FRMD4B: variants seen among roughly 807,000 people sequenced by gnomAD.
FRMD4B encodes FERM domain-containing protein 4B.
A neutral mutation model predicts 141.5 loss-of-function variants in FRMD4B; 74 were observed. The ratio of observed to expected loss-of-function variants is 0.52; its 90% CI spans 0.43 to 0.63. The LOEUF is 0.63. Ranked by LOEUF, FRMD4B falls within the 30% of genes least tolerant of loss-of-function variation. FRMD4B has a pLI of 0.00. For missense variants in FRMD4B, 1,366 were observed against 1,253.4 expected (o/e 1.09, Z -1.36); for synonymous variants, 506 against 467.9 (o/e 1.08, Z -1.05).
At chr3:69,445,621 T>C (rs1193662811) in intron 1 of FRMD4B, among the ~76,000 whole-genome samples, 1 of 152,186 alleles carries the variant, frequency 6.6e-6, no homozygotes, top group African/African-American at 2.4e-5. Flanking sequence ...TCACTCTCAA[T>C]ACACCCCACA....
chr3:69,332,587 T>C (rs1300774510), intron 1 of FRMD4B, among the ~76,000 whole-genome samples: 1 of 152,020 alleles, frequency 6.6e-6, no homozygotes, highest in Non-Finnish European at 1.5e-5. Context: ...TTTTTCTTTA[T>C]TTATTTTGAG....
At chr3:69,363,143 G>A (rs571228541) in intron 1 of FRMD4B, among the ~76,000 whole-genome samples, 8 of 151,526 alleles carry the variant, frequency 5.3e-5, no homozygotes, top group East Asian at 1.9e-4. Flanking sequence ...TTTTCCACCC[G>A]GCCCATTCTT....
At chr3:69,325,061 A>G (rs1300034638) in intron 1 of FRMD4B, among the ~76,000 whole-genome samples, 1 of 129,904 alleles carries the variant, frequency 7.7e-6, no homozygotes, top group African/African-American at 3.2e-5. Context: ...CCTGGGCAAC[A>G]GTGAGATACT....
At chr3:69,205,245 C>T in intron 11 of FRMD4B, among the ~76,000 whole-genome samples, 1 of 151,604 alleles carries the variant, frequency 6.6e-6, no homozygotes, top group Non-Finnish European at 1.5e-5. Context: ...CGGCTCACTG[C>T]AGCAGCCTCG....
intron 1 of FRMD4B, among the ~76,000 whole-genome samples, chr3:69,454,822 T>C (rs913505035): frequency 2.0e-5 from 3 of 152,226 alleles, no homozygotes; most frequent in African/African-American, 7.2e-5. Flanking sequence ...AGGCGCACCA[T>C]GCAGGACTGG....
In FRMD4B at chr3:69,528,298, C is replaced by T. The variant is rs1214087070; in HGVS notation, c.-129+13908G>A. 2.1e-5 allele frequency among the ~76,000 whole-genome samples: 3 copies of T among 146,070 alleles called. No homozygotes were observed. The East Asian group carries it at 6.7e-4, about 33-fold the overall frequency. ...CCTTCCTTCCTTCCTTTTCTTCCTT[C>T]CTTCCTTCCTTTCTCTCTCTTTCTT... On this transcript the variant is annotated intron_variant, in intron 1 of 5. Transcript: ENST00000459638.
At chr3:69,366,803 T>C (rs540772653) in intron 1 of FRMD4B, among the ~76,000 whole-genome samples, 45 of 152,306 alleles carry the variant, frequency 3.0e-4, no homozygotes, top group African/African-American at 1.1e-3. Context: ...AGGGTCTCAC[T>C]CTGTTGCCCA....
chr3:69,489,695 A>G (rs1182098431), intron 1 of FRMD4B, among the ~76,000 whole-genome samples: 1 of 152,216 alleles, frequency 6.6e-6, no homozygotes, highest in African/African-American at 2.4e-5. Context: ...AAAAATAAAC[A>G]TAGTGTTGCC....
Position 69,415,270 on chromosome 3 carries a change from G to C in FRMD4B, c.-1+17364C>G, listed in dbSNP as rs1704838189. On this transcript the variant is annotated intron_variant, in intron 2 of 5. Transcript: ENST00000459638. ...ACAATATGAGTGAATCCATCAAATG[G>C]AGATAAAGCCCCATACTGACTTCTC... Among the ~76,000 whole-genome samples, 5 of 152,114 alleles carry C rather than the reference G, an allele frequency of 3.3e-5. No homozygotes were observed. In the South Asian group the frequency reaches 1.0e-3, roughly 32 times the overall value.
At chr3:69,258,348 A>C (rs942470021) in intron 5 of FRMD4B, among the ~76,000 whole-genome samples, 5 of 152,196 alleles carry the variant, frequency 3.3e-5, no homozygotes, top group African/African-American at 9.7e-5. Flanking sequence ...ATACATTTTG[A>C]CATGTGTTTG....
At chr3:69,538,180 A>G (rs1289478671) in intron 1 of FRMD4B, among the ~76,000 whole-genome samples, 1 of 152,222 alleles carries the variant, frequency 6.6e-6, no homozygotes, top group Non-Finnish European at 1.5e-5. Flanking sequence ...AGGAAAGAAG[A>G]AAAAGGCAGA....
intron 1 of FRMD4B, among the ~76,000 whole-genome samples, chr3:69,469,087 T>C (rs1705842957): frequency 6.6e-6 from 1 of 152,176 alleles, no homozygotes; most frequent in Non-Finnish European, 1.5e-5. Context: ...CCTTTAAAAA[T>C]AAAACCCATA....
At chr3:69,288,593 T>C (rs1485828163) in intron 4 of FRMD4B, among the ~76,000 whole-genome samples, 1 of 152,234 alleles carries the variant, frequency 6.6e-6, no homozygotes, top group East Asian at 1.9e-4. Context: ...TTAACAACTC[T>C]GTTTTCATAA....
chr3:69,466,630 T>A (rs1202594365), intron 1 of FRMD4B, among the ~76,000 whole-genome samples: 1 of 152,228 alleles, frequency 6.6e-6, no homozygotes, highest in Non-Finnish European at 1.5e-5. Context: ...TCATACATTT[T>A]GCCTTTGTTT....
chr3:69,321,340 G>A (rs1701988365), intron 1 of FRMD4B, among the ~76,000 whole-genome samples: 1 of 152,148 alleles, frequency 6.6e-6, no homozygotes, highest in Non-Finnish European at 1.5e-5. Flanking sequence ...TGGTAAGGAA[G>A]CAGCAAGCCT....
At position 69,251,908 on chromosome 3, in the gene FRMD4B, G is replaced by A. The variant is rs2093465664; in HGVS notation, c.502-1809C>T. Among the ~76,000 whole-genome samples, 3 of 152,186 alleles carry A rather than the reference G, an allele frequency of 2.0e-5. No homozygotes were observed. In the South Asian group the frequency reaches 6.2e-4, roughly 31 times the overall value. ...AGAAAAAGAAACTCACGGCAAGGGAGGAGGGCTAACAGGAGAACTCAAAAA... is the reference window on the plus strand; with the variant it reads ...AGAAAAAGAAACTCACGGCAAGGGAAGAGGGCTAACAGGAGAACTCAAAAA... On this transcript the variant is annotated intron_variant, in intron 5 of 22. Coordinates refer to ENST00000398540, the MANE Select transcript of FRMD4B (RefSeq NM_015123.3).
intron 1 of FRMD4B, among the ~76,000 whole-genome samples, chr3:69,437,785 ATATT>A (rs1705283237): frequency 1.6e-5 from 2 of 122,786 alleles, no homozygotes; most frequent in South Asian, 4.8e-4. Flanking sequence ...TATATATACT[ATATT>A]TATATATATT....
At chr3:69,358,646 G>C (rs1703390600) in intron 1 of FRMD4B, among the ~76,000 whole-genome samples, 1 of 152,180 alleles carries the variant, frequency 6.6e-6, no homozygotes, top group South Asian at 2.1e-4. Flanking sequence ...TGAGGTAGGA[G>C]AATCACTTGA....
chr3:69,462,758 C>T (rs2106923958), intron 1 of FRMD4B, among the ~76,000 whole-genome samples: 1 of 152,370 alleles, frequency 6.6e-6, no homozygotes, highest in South Asian at 2.1e-4. Flanking sequence ...GCCTCTGCCA[C>T]AGTCACCAAC....
Sources: gnomAD v4.1 joint callset for allele counts (sites outside exome capture counted in the v4.1 genomes callset) on GRCh38, gnomAD v4.1.1 for gene constraint, MANE v1.5 for transcripts, NCBI Gene and HGNC (gene_info 2026-07-23, HGNC 2026-07-21) for gene names.